CCDC138: variants seen among roughly 807,000 people sequenced by gnomAD.
The protein encoded by CCDC138 is coiled-coil domain containing 138.
CCDC138 carries 66 observed loss-of-function variants against 82.3 expected under a neutral mutation model. The observed-to-expected ratio is 0.80, with a 90% confidence interval of 0.66 to 0.98. The LOEUF (loss-of-function observed/expected upper bound fraction) is 0.98. Ranked by LOEUF, CCDC138 falls within the 50% of genes least tolerant of loss-of-function variation. The probability of loss-of-function intolerance (pLI) is 0.00; values close to 1 mark genes in which losing one functional copy is unlikely to be tolerated. For synonymous variants in CCDC138, 297 were observed against 265.4 expected, an observed-to-expected ratio of 1.12 and a Z score of -1.16; for missense variants, 816 against 758.9, an observed-to-expected ratio of 1.08 and a Z score of -0.88.
chr2:108,791,541 T>G, intron 3 of CCDC138, 134 bp from the exon 4 acceptor site: 1 of 1,044,164 alleles, frequency 9.6e-7, no homozygotes. Context: ...TTTTTACATG[T>G]TTACATTTTG....
chr2:108,791,133 T>C (rs1331220578), intron 3 of CCDC138, among the ~76,000 whole-genome samples: 1 of 152,106 alleles, frequency 6.6e-6, no homozygotes, highest in East Asian at 1.9e-4. Flanking sequence ...TTAACTAATA[T>C]TTTTAAAATT....
chr2:108,856,547 CTTG>C (rs1201854443), intron 12 of CCDC138, among the ~76,000 whole-genome samples: 3 of 152,054 alleles, frequency 2.0e-5, no homozygotes, highest in African/African-American at 7.2e-5. Flanking sequence ...AAAAATGTGG[CTTG>C]TTATTTTGGT....
At chr2:108,869,420 A>G (rs937393595) in intron 13 of CCDC138, among the ~76,000 whole-genome samples, 1 of 152,164 alleles carries the variant, frequency 6.6e-6, no homozygotes, top group African/African-American at 2.4e-5. Context: ...TTGCCTATCA[A>G]TGGGTTGCCC....
At chr2:108,847,513 G>C (rs1240713340) in intron 12 of CCDC138, among the ~76,000 whole-genome samples, 2 of 152,132 alleles carry the variant, frequency 1.3e-5, no homozygotes, top group South Asian at 2.1e-4. Context: ...CCTGCACCTA[G>C]TGTAGTGCTT....
At chr2:108,880,223 A>AC (rs1696253160), downstream of CCDC138, among the ~76,000 whole-genome samples, 3 of 3,674 alleles carry the variant, frequency 8.2e-4, no homozygotes, top group Non-Finnish European at 4.4e-4. Context: ...ACAAAAACAA[A>AC]CAAAAAAAAA....
chr2:108,824,007 C>G (rs888309139), intron 10 of CCDC138, among the ~76,000 whole-genome samples: 21 of 151,884 alleles, frequency 1.4e-4, no homozygotes, highest in African/African-American at 4.4e-4. Flanking sequence ...GGGGGGTACA[C>G]CTGAATAGAG....
intron 10 of CCDC138, among the ~76,000 whole-genome samples, chr2:108,838,801 A>G (rs1481981543): frequency 6.6e-6 from 1 of 152,090 alleles, no homozygotes; most frequent in Non-Finnish European, 1.5e-5. Context: ...TGAGATTTTT[A>G]TTCCATTTGC....
chr2:108,796,289 C>T (rs939797846), intron 5 of CCDC138, among the ~76,000 whole-genome samples: 75 of 151,550 alleles, frequency 4.9e-4, no homozygotes, highest in African/African-American at 1.1e-3. Context: ...CTCCTGACCT[C>T]GTGATCCGCC....
intron 11 of CCDC138, among the ~76,000 whole-genome samples, chr2:108,843,262 A>G (rs1689819658): frequency 6.6e-6 from 1 of 152,132 alleles, no homozygotes; most frequent in African/African-American, 2.4e-5. Flanking sequence ...GGTTCAAACC[A>G]TGCTCCTGCC....
At chr2:108,857,370 A>G (rs998345988) in intron 13 of CCDC138, among the ~76,000 whole-genome samples, 1 of 151,994 alleles carries the variant, frequency 6.6e-6, no homozygotes, top group East Asian at 1.9e-4. Context: ...CGCCCGGACT[A>G]TTGCATTTTT....
chr2:108,862,106 TCCTGAG>T (rs1339812333), intron 13 of CCDC138, among the ~76,000 whole-genome samples: 1 of 151,506 alleles, frequency 6.6e-6, no homozygotes, highest in East Asian at 1.9e-4. Flanking sequence ...GTTGAGACTT[TCCTGAG>T]CATGTGGTCA....
intron 11 of CCDC138, among the ~76,000 whole-genome samples, chr2:108,844,760 T>C (rs1201951384): frequency 6.6e-6 from 1 of 151,688 alleles, no homozygotes; most frequent in Admixed American, 6.6e-5. Context: ...TTTTTTTTTT[T>C]TTTTTGAGAC....
intron 13 of CCDC138, among the ~76,000 whole-genome samples, chr2:108,870,479 A>G (rs1011482968): frequency 2.6e-5 from 4 of 152,236 alleles, no homozygotes; most frequent in African/African-American, 9.6e-5. Context: ...AAATTTGAGG[A>G]AAGACACGGC....
chr2:108,858,788 T>G (rs746775903), intron 13 of CCDC138, among the ~76,000 whole-genome samples: 2 of 152,108 alleles, frequency 1.3e-5, no homozygotes, highest in Non-Finnish European at 2.9e-5. Flanking sequence ...GGGCTTCAAC[T>G]GAACTCGTCA....
rs1558952353 is a variant in CCDC138, at chr2:108,786,800, G to A, written c.-23G>A. The A allele has an allele frequency of 1.3e-6, 2 of 1,572,668 alleles. No homozygotes were observed. Among genetic ancestry groups the A allele is most frequent in the Admixed American group, 1.9e-5 (1 of 52,790 alleles). ...GTTTGATGAACGCGGTTCCCGGGGA[G>A]ACTGGTACGGTTGCTGTGTGCTATG... On this transcript the variant is annotated 5_prime_UTR_variant, in exon 1 of 15. Transcript: ENST00000295124.
chr2:108,871,777 C>T (rs1249217483), intron 13 of CCDC138, among the ~76,000 whole-genome samples: 1 of 152,110 alleles, frequency 6.6e-6, no homozygotes, highest in Non-Finnish European at 1.5e-5. Flanking sequence ...TTCATCTTCC[C>T]CGCCTCCATT....
chr2:108,809,448 TTGTGTGTGTGTGTGTGTGTGTGTGTGTG>T (rs56122981), intron 7 of CCDC138, among the ~76,000 whole-genome samples: 2 of 141,138 alleles, frequency 1.4e-5, no homozygotes, highest in Non-Finnish European at 3.1e-5. Flanking sequence ...ACATGAAATG[TTGTGTGTGTGTGTGTGTGTGTGTGTGTG>T]TGTGTGTGTG....
intron 11 of CCDC138, among the ~76,000 whole-genome samples, chr2:108,842,052 CAG>C (rs1271120403): frequency 1.3e-5 from 2 of 152,142 alleles, no homozygotes; most frequent in East Asian, 3.9e-4. Context: ...GTTTTTGAGA[CAG>C]AGTCTCACTC....
chr2:108,821,763 G>A (rs1326021975), intron 10 of CCDC138, among the ~76,000 whole-genome samples: 2 of 151,940 alleles, frequency 1.3e-5, no homozygotes, highest in Admixed American at 6.6e-5. Flanking sequence ...TGGTCAACAT[G>A]GTGAAACCCC....
Sources: gnomAD v4.1 joint callset for allele counts (sites outside exome capture counted in the v4.1 genomes callset) on GRCh38, gnomAD v4.1.1 for gene constraint, MANE v1.5 for transcripts, NCBI Gene and HGNC (gene_info 2026-07-23, HGNC 2026-07-21) for gene names.